NUP205: variants seen among roughly 807,000 people sequenced by gnomAD.
NUP205 encodes nucleoporin 205.
A neutral mutation model predicts 253.8 loss-of-function variants in NUP205; 76 were observed. The ratio of observed to expected loss-of-function variants is 0.30; its 90% CI spans 0.25 to 0.36. The LOEUF (loss-of-function observed/expected upper bound fraction) is 0.36. Ranked by LOEUF, NUP205 falls within the 10% of genes least tolerant of loss-of-function variation. The pLI, the probability that NUP205 is intolerant of heterozygous loss-of-function variation, is 1.00. For missense variants in NUP205, 2,162 were observed against 2,425.5 expected (o/e 0.89, Z 2.28); for synonymous variants, 832 against 850.1 (o/e 0.98, Z 0.37).
intron 22 of NUP205, among the ~76,000 whole-genome samples, chr7:135,609,408 G>A (rs1309421568): frequency 1.3e-5 from 2 of 151,940 alleles, no homozygotes; most frequent in East Asian, 1.9e-4. Flanking sequence ...AACCCGGGAG[G>A]TGGAGCTTGC....
At chr7:135,603,127 T>G in intron 18 of NUP205, 133 bp downstream of exon 18, 1 of 631,246 alleles carries the variant, frequency 1.6e-6, no homozygotes, top group Non-Finnish European at 2.6e-6. Context: ...TTTTTTTTTT[T>G]TTTTTTGAGA....
intron 38 of NUP205, among the ~76,000 whole-genome samples, chr7:135,641,261 C>T (rs1794910165): frequency 1.3e-5 from 2 of 152,188 alleles, no homozygotes; most frequent in South Asian, 4.1e-4. Flanking sequence ...TGGGTATCTT[C>T]CTACCAGGGT....
rs1355439429 is a variant in NUP205, at chr7:135,602,836, T to C, written c.2544T>C (p.His848=). The C allele has an allele frequency of 2.5e-6, 4 of 1,613,728 alleles. No homozygotes were observed. The East Asian group carries it at 6.7e-5, about 27-fold the overall frequency. ...GKKHLEKAVQ[H]CLALLNLTLQ... ...AACACCTGGAGAAAGCAGTACAGCA[T>C]TGCCTTGCACTTCTCAATCTTACTC... Residue 848 remains histidine (H), a synonymous_variant, in exon 18 of 43, where the codon CAT becomes CAC. Transcript: ENST00000285968.
chr7:135,576,159 A>G (rs1312310008), intron 3 of NUP205, 111 bp from the exon 4 acceptor site: 2 of 840,984 alleles, frequency 2.4e-6, no homozygotes, highest in Non-Finnish European at 3.8e-6. Flanking sequence ...GGGCCCCTTA[A>G]GCCCTGAGCT....
intron 17 of NUP205, among the ~76,000 whole-genome samples, 181 bp downstream of exon 17, chr7:135,601,688 A>G (rs938071078): frequency 2.6e-5 from 4 of 152,246 alleles, no homozygotes; most frequent in Non-Finnish European, 5.9e-5. Context: ...AAAACAGACT[A>G]AAGTACAGAG....
intron 36 of NUP205, 64 bp downstream of exon 36, chr7:135,635,721 C>G: frequency 2.2e-6 from 2 of 915,262 alleles, no homozygotes; most frequent in South Asian, 1.8e-5. Flanking sequence ...ACCATCCTCC[C>G]CATTGTGCCC....
chr7:135,566,513 G>A (rs1431360496), intron 1 of NUP205, among the ~76,000 whole-genome samples: 1 of 152,170 alleles, frequency 6.6e-6, no homozygotes, highest in East Asian at 1.9e-4. Flanking sequence ...ATTGGAAAGT[G>A]TGGGACTAAA....
chr7:135,643,203 C>T lies in NUP205; in HGVS notation c.5404C>T (p.Pro1802Ser). The T allele has an allele frequency of 6.2e-7, 1 of 1,613,896 alleles. No homozygotes were observed. Among genetic ancestry groups the T allele is most frequent in the South Asian group, 1.1e-5 (1 of 91,058 alleles). Residue 1802 changes from proline (P) to serine (S), a missense_variant, in exon 39 of 43, where the codon CCA becomes TCA. By Grantham distance (74) the Pro-to-Ser change is moderately conservative (BLOSUM62 -1). Coordinates refer to ENST00000285968, the MANE Select transcript of NUP205 (RefSeq NM_015135.3). ...ATCACCTCTATTAGATACCCAAGCTCCAGTGGTTCCATACTGGCGCCTGCC... is the reference window on the plus strand; with the variant it reads ...ATCACCTCTATTAGATACCCAAGCTTCAGTGGTTCCATACTGGCGCCTGCC... Reference protein sequence around the residue: ...RDGPRQDTQAPVVPYWRLPGL... With the variant: ...RDGPRQDTQASVVPYWRLPGL...
chr7:135,648,521 C>T lies in NUP205; in HGVS notation c.6004C>T (p.Arg2002Cys), dbSNP rs760991716. ...TAGTTTCATACAGGCTCTTGTCAGA[C>T]GTATCCGTGGCCTCTTGAGGATATC... ...RYSFIQALVR[R>C]IRGLLRISRN is the part of the protein sequence containing the mutation. Residue 2002 changes from arginine to cysteine, a missense_variant, in exon 43 of 43, where the codon CGT becomes TGT. Physicochemically the swap from Arg to Cys is radical, Grantham distance 180. This residue lies in a region of NUP205 where 1,144 missense variants were observed against 1,280.9 expected (regional missense o/e 0.89). Transcript: ENST00000285968. 1.0e-5 allele frequency: 16 copies of T among 1,597,652 alleles called. No homozygotes were observed. The East Asian group carries it at 2.8e-4, about 28-fold the overall frequency.
At chr7:135,585,565 T>A (rs1806436346) in intron 8 of NUP205, among the ~76,000 whole-genome samples, 1 of 152,090 alleles carries the variant, frequency 6.6e-6, no homozygotes, top group Non-Finnish European at 1.5e-5. Context: ...ATTTTTTTTT[T>A]TTTTGAGATG....
At chr7:135,630,288 T>TATAAATGCATAATTCATTTTATAA in intron 34 of NUP205, 56 bp from the exon 35 acceptor site, 1 of 1,321,252 alleles carries the variant, frequency 7.6e-7, no homozygotes, top group Non-Finnish European at 1.0e-6. Flanking sequence ...TGCATTTATA[T>TATAAATGCATAATTCATTTTATAA]ATAATTTTCT....
intron 7 of NUP205, among the ~76,000 whole-genome samples, chr7:135,583,903 G>A (rs139886596): frequency 2.0e-5 from 3 of 148,532 alleles, no homozygotes; most frequent in Non-Finnish European, 4.4e-5. Flanking sequence ...GTGCAATGGC[G>A]TGATCGTGGC....
chr7:135,640,863 G>A (rs1024371750), intron 38 of NUP205, among the ~76,000 whole-genome samples: 1 of 151,996 alleles, frequency 6.6e-6, no homozygotes, highest in African/African-American at 2.4e-5. Context: ...AGTTCCTTTG[G>A]CTTAAACAAG....
chr7:135,619,011 C>G (rs1326761169), intron 28 of NUP205, among the ~76,000 whole-genome samples: 1 of 152,080 alleles, frequency 6.6e-6, no homozygotes, highest in Non-Finnish European at 1.5e-5. Context: ...TCTTTCTTGA[C>G]TAATTTCTGT....
intron 22 of NUP205, among the ~76,000 whole-genome samples, chr7:135,608,276 G>A (rs550695357): frequency 3.3e-5 from 5 of 151,972 alleles, no homozygotes; most frequent in East Asian, 1.9e-4. Context: ...CACCTGCCTC[G>A]GTCTCCCAAA....
chr7:135,624,262 C>T (rs952041803), intron 31 of NUP205, among the ~76,000 whole-genome samples: 11 of 152,064 alleles, frequency 7.2e-5, no homozygotes, highest in Admixed American at 7.2e-4. Flanking sequence ...AGTGCAGTGG[C>T]ATGATCTCGG....
rs1794445374 is a variant in NUP205 at position 135,620,113 on chromosome 7, T to C, written c.4330+225T>C. On this transcript the variant is annotated intron_variant, in intron 30 of 42. Transcript: ENST00000285968. ...TTAAGATAACCTTCAAATAATACTT[T>C]AGCTTTATATACTTCTGTAACTCCC... Among the ~76,000 whole-genome samples, 2 of 152,242 alleles carry C rather than the reference T, an allele frequency of 1.3e-5. 1 individual carries two copies. The highest frequency in any genetic ancestry group is 4.1e-4 in the South Asian group (2 of 4,830).
chr7:135,606,139 CT>C lies in NUP205; in HGVS notation c.2824-4del. The C allele has an allele frequency of 6.3e-7, 1 of 1,595,694 alleles. No homozygotes were observed. Among genetic ancestry groups the C allele is most frequent in the Non-Finnish European group, 8.6e-7 (1 of 1,164,498 alleles). The stretch of plus-strand genomic sequence containing the variant: ...TTTGTCATTTTTTACCTTCATGTTA[CT>C]TCAGAGTATAAGTCAGAAACTAATG... On this transcript the variant is annotated splice_region_variant and splice_polypyrimidine_tract_variant and intron_variant, in intron 19 of 42. Transcript: ENST00000285968.
chr7:135,622,962 G>A (rs916671553), intron 31 of NUP205, 37 bp downstream of exon 31: 30 of 1,600,360 alleles, frequency 1.9e-5, no homozygotes, highest in Non-Finnish European at 2.6e-5. Flanking sequence ...AATTGAATAA[G>A]TATTTTGACT....
Sources: allele counts gnomAD v4.1 joint callset (sites outside exome capture counted in the v4.1 genomes callset), GRCh38; gene constraint gnomAD v4.1.1; regional missense constraint gnomAD v4.1.1; transcripts MANE v1.5; gene names NCBI Gene and HGNC (gene_info 2026-07-23, HGNC 2026-07-21).